WDR27: variants seen among roughly 807,000 people sequenced by gnomAD.
WDR27 encodes the protein WD repeat-containing protein 27.
A neutral mutation model predicts 114.4 loss-of-function variants in WDR27; 100 were observed. That is an observed-to-expected ratio of 0.87 (90% CI 0.74 to 1.03). The LOEUF (loss-of-function observed/expected upper bound fraction) is 1.03, where lower values mean the gene tolerates loss of function less well. Among genes scored for constraint, WDR27 ranks in the 50% least tolerant of loss-of-function variants. The pLI, the probability that WDR27 is intolerant of heterozygous loss-of-function variation, is 0.00. For missense variants in WDR27, 1,129 were observed against 1,092.9 expected, an observed-to-expected ratio of 1.03 and a Z score of -0.47; for synonymous variants, 449 against 423.1, an observed-to-expected ratio of 1.06 and a Z score of -0.75.
At chr6:169,680,532 A>G (rs1781234424) in intron 2 of WDR27, among the ~76,000 whole-genome samples, 1 of 152,222 alleles carries the variant, frequency 6.6e-6, no homozygotes, top group Admixed American at 6.5e-5. Flanking sequence ...CAGTGAGCCA[A>G]GATTGCGCCA....
At chr6:169,568,904 T>C (rs1362776384) in intron 25 of WDR27, among the ~76,000 whole-genome samples, 1 of 152,224 alleles carries the variant, frequency 6.6e-6, no homozygotes, top group Non-Finnish European at 1.5e-5. Flanking sequence ...TGGGATGTGG[T>C]ACCGTGTCTC....
chr6:169,645,916 T>C (rs1361457480), intron 16 of WDR27, among the ~76,000 whole-genome samples: 3 of 150,888 alleles, frequency 2.0e-5, no homozygotes, highest in African/African-American at 7.4e-5. Context: ...AGGGTCACAC[T>C]GTAGAAAATC....
At chr6:169,522,768 AAT>A (rs1794535404) in intron 25 of WDR27, among the ~76,000 whole-genome samples, 1 of 152,048 alleles carries the variant, frequency 6.6e-6, no homozygotes, top group Non-Finnish European at 1.5e-5. Context: ...ATCTTAAAAA[AAT>A]AAAATGTAAT....
At chr6:169,454,212 G>C (rs947108919), downstream of WDR27, among the ~76,000 whole-genome samples, 1 of 152,192 alleles carries the variant, frequency 6.6e-6, no homozygotes, top group African/African-American at 2.4e-5. Flanking sequence ...AAACATATTT[G>C]TGTGAGCTAT....
In WDR27 at chr6:169,513,339, T is replaced by C. The variant is rs564856459; in HGVS notation, c.2646-55705A>G. On this transcript the variant is annotated intron_variant, in intron 25 of 25. Transcript: ENST00000448612. ...GGCCCTGGAAATTGTACAGCCTCCTTCCTGCCATGCACAATTGGTCAGAGT... is the reference window on the plus strand; with the variant it reads ...GGCCCTGGAAATTGTACAGCCTCCTCCCTGCCATGCACAATTGGTCAGAGT... Among the ~76,000 whole-genome samples, 4 of 152,268 alleles carry C rather than the reference T, an allele frequency of 2.6e-5. No homozygotes were observed. In the East Asian group the frequency reaches 7.7e-4, roughly 29 times the overall value.
intron 21 of WDR27, among the ~76,000 whole-genome samples, chr6:169,626,268 G>A (rs995517503): frequency 5.9e-5 from 9 of 152,186 alleles, no homozygotes; most frequent in Non-Finnish European, 1.0e-4. Context: ...ATGCGGGTGT[G>A]GGTGTCGCCT....
At chr6:169,449,691 C>A in the WDR27 span, among the ~76,000 whole-genome samples, 1 of 152,200 alleles carries the variant, frequency 6.6e-6, no homozygotes, top group Admixed American at 6.5e-5. Flanking sequence ...GAGAGGGATG[C>A]GGACCAGTTT....
chr6:169,680,099 C>T (rs548614996), intron 2 of WDR27, among the ~76,000 whole-genome samples: 2 of 152,242 alleles, frequency 1.3e-5, no homozygotes, highest in South Asian at 2.1e-4. Context: ...TTTTTAAACA[C>T]ACAAAGGCTG....
At chr6:169,454,540 A>AAAAGAATGAGCTCCCACATCTGC (rs1784276216), downstream of WDR27, among the ~76,000 whole-genome samples, 1 of 152,244 alleles carries the variant, frequency 6.6e-6, no homozygotes. Context: ...AAGCTAAGGA[A>AAAAGAATGAGCTCCCACATCTGC]AAAGAATGAG....
chr6:169,592,824 A>G (rs990825381), intron 23 of WDR27, among the ~76,000 whole-genome samples: 2 of 152,220 alleles, frequency 1.3e-5, no homozygotes, highest in African/African-American at 4.8e-5. Context: ...GCATTTTATC[A>G]TTTGAAAGAG....
Position 169,689,031 on chromosome 6 carries a change from T to C in WDR27, c.-7-19A>G, listed in dbSNP as rs979981408. ...CTTCAATCTGAAAACAAAAAGTACA[T>C]ATAAGATGACTATAGGTATCATATT... On this transcript the variant is annotated intron_variant, in intron 1 of 25. Coordinates refer to ENST00000448612, the MANE Select transcript of WDR27 (RefSeq NM_182552.5). 1 of 1,574,288 alleles carries C rather than the reference T, an allele frequency of 6.4e-7. No individual in the cohort carries two copies. The highest frequency in any genetic ancestry group is 1.2e-5 in the South Asian group (1 of 85,998).
chr6:169,496,075 A>G (rs1426181850), intron 25 of WDR27, among the ~76,000 whole-genome samples: 1 of 152,124 alleles, frequency 6.6e-6, no homozygotes, highest in East Asian at 1.9e-4. Flanking sequence ...ACCATGATCA[A>G]CTGGGATTTA....
chr6:169,658,077 A>G, intron 13 of WDR27, 199 bp downstream of exon 13: 1 of 503,858 alleles, frequency 2.0e-6, no homozygotes, highest in Non-Finnish European at 3.7e-6. Context: ...CCAATTCAGG[A>G]GGCGAAGCAC....
At chr6:169,473,952 G>T (rs905516460) in intron 25 of WDR27, among the ~76,000 whole-genome samples, 2 of 152,210 alleles carry the variant, frequency 1.3e-5, no homozygotes, top group Non-Finnish European at 2.9e-5. Context: ...GCCCAACTGG[G>T]GCCAGGTGTC....
chr6:169,700,895 T>C (rs980426010), intron 1 of WDR27, among the ~76,000 whole-genome samples: 10 of 152,208 alleles, frequency 6.6e-5, no homozygotes, highest in East Asian at 3.8e-4. Flanking sequence ...CCCAGGAATA[T>C]CCATGTACAT....
chr6:169,429,207 C>T, the WDR27 span, among the ~76,000 whole-genome samples: 1 of 152,180 alleles, frequency 6.6e-6, no homozygotes, highest in African/African-American at 2.4e-5. Context: ...GTCCTGTCCA[C>T]AGGCCTGAGG....
At chr6:169,540,703 T>C (rs1796734127) in intron 25 of WDR27, among the ~76,000 whole-genome samples, 1 of 152,138 alleles carries the variant, frequency 6.6e-6, no homozygotes, top group Admixed American at 6.5e-5. Flanking sequence ...GTGCTGGTAT[T>C]ACAGGCATGA....
At chr6:169,564,641 G>A (rs567036842) in intron 25 of WDR27, among the ~76,000 whole-genome samples, 12 of 152,286 alleles carry the variant, frequency 7.9e-5, no homozygotes, top group Non-Finnish European at 7.3e-5. Flanking sequence ...GGAGGACAGC[G>A]CCAGCTGGAG....
chr6:169,515,197 C>T (rs117402658), intron 25 of WDR27, among the ~76,000 whole-genome samples: 2,229 of 151,988 alleles, frequency 0.015, 25 homozygotes, highest in Non-Finnish European at 0.024. Flanking sequence ...CGAGTCCTGT[C>T]CTAACTGTGT....
Sources: gnomAD v4.1 joint callset for allele counts (sites outside exome capture counted in the v4.1 genomes callset) on GRCh38, gnomAD v4.1.1 for gene constraint, MANE v1.5 for transcripts, NCBI Gene and HGNC (gene_info 2026-07-23, HGNC 2026-07-21) for gene names.